ELMO1: variants seen among roughly 807,000 people sequenced by gnomAD.
ELMO1 encodes engulfment and cell motility protein 1.
In ELMO1, 26 loss-of-function variants were observed where a neutral mutation model predicts 98.9. The ratio of observed to expected loss-of-function variants is 0.26; its 90% CI spans 0.19 to 0.36. The LOEUF (loss-of-function observed/expected upper bound fraction) is 0.36, where lower values mean the gene tolerates loss of function less well. Ranked by LOEUF, ELMO1 falls within the 10% of genes least tolerant of loss-of-function variation. ELMO1 has a pLI of 1.00. For missense variants in ELMO1, 627 were observed against 935.2 expected (o/e 0.67, Z 4.30); for synonymous variants, 346 against 346.0 (o/e 1.00, Z 0.00).
At chr7:36,955,632 G>A (rs1348945388) in intron 16 of ELMO1, among the ~76,000 whole-genome samples, 1 of 152,104 alleles carries the variant, frequency 6.6e-6, no homozygotes, top group Non-Finnish European at 1.5e-5. Flanking sequence ...TCTGTCAAAG[G>A]TAGGGTGCCA....
chr7:37,307,794 T>C (rs1798687727), intron 4 of ELMO1, among the ~76,000 whole-genome samples: 1 of 152,184 alleles, frequency 6.6e-6, no homozygotes, highest in African/African-American at 2.4e-5. Flanking sequence ...CCAGCATTTG[T>C]TGTCAATCTC....
At chr7:36,874,182 C>CT (rs1803763938) in intron 19 of ELMO1, among the ~76,000 whole-genome samples, 3 of 152,224 alleles carry the variant, frequency 2.0e-5, no homozygotes, top group African/African-American at 7.2e-5. Context: ...ATTTGTAACT[C>CT]TAACATTATC....
intron 4 of ELMO1, among the ~76,000 whole-genome samples, chr7:37,314,127 A>C (rs1799028254): frequency 6.6e-6 from 1 of 152,216 alleles, no homozygotes; most frequent in Non-Finnish European, 1.5e-5. Context: ...CATTAGTCTA[A>C]CCATTTGTCC....
At position 37,372,977 on chromosome 7, in the gene ELMO1, A is replaced by C. The variant is rs986951943; in HGVS notation, c.-73-30214T>G. 3.9e-5 allele frequency among the ~76,000 whole-genome samples: 6 copies of C among 152,234 alleles called. No individual in the cohort carries two copies. The East Asian group carries it at 1.2e-3, about 29-fold the overall frequency. ...CAGCCCTGTATCCTGAGGCTACTAA[A>C]GGGAAGAGCCAGACTTCCACAGCTG... On this transcript the variant is annotated intron_variant, in intron 1 of 21. Coordinates refer to ENST00000310758, the MANE Select transcript of ELMO1 (RefSeq NM_014800.11).
At chr7:36,998,091 G>T (rs1792354817) in intron 16 of ELMO1, among the ~76,000 whole-genome samples, 1 of 151,628 alleles carries the variant, frequency 6.6e-6, no homozygotes, top group Non-Finnish European at 1.5e-5. Flanking sequence ...GGAAAGGAAT[G>T]ATTTTGGTAT....
intron 5 of ELMO1, among the ~76,000 whole-genome samples, chr7:37,265,199 T>C (rs1332821647): frequency 6.6e-6 from 1 of 152,168 alleles, no homozygotes; most frequent in Admixed American, 6.5e-5. Flanking sequence ...CTCTGCTTCC[T>C]CCTGATAGAT....
chr7:37,096,504 T>C, intron 15 of ELMO1, 115 bp downstream of exon 15: 1 of 798,662 alleles, frequency 1.3e-6, no homozygotes. Context: ...CTATCCACAG[T>C]GATGACCGTA....
chr7:37,107,211 G>T (rs1784999984), intron 14 of ELMO1, among the ~76,000 whole-genome samples: 2 of 152,142 alleles, frequency 1.3e-5, no homozygotes, highest in Admixed American at 1.3e-4. Flanking sequence ...CAAGGACATG[G>T]GATTTGTAAG....
chr7:37,073,573 T>C (rs1246279978), intron 15 of ELMO1, among the ~76,000 whole-genome samples: 2 of 113,554 alleles, frequency 1.8e-5, no homozygotes, highest in South Asian at 2.4e-4. Flanking sequence ...TGTTTTTGTA[T>C]GTGTGTGTGT....
intron 4 of ELMO1, among the ~76,000 whole-genome samples, chr7:37,307,872 G>A (rs1290652328): frequency 6.6e-6 from 1 of 152,174 alleles, no homozygotes; most frequent in Non-Finnish European, 1.5e-5. Context: ...AGCACTGTGG[G>A]AGGCCGAGGC....
intron 15 of ELMO1, among the ~76,000 whole-genome samples, chr7:37,095,962 T>C (rs574053487): frequency 6.6e-6 from 1 of 152,332 alleles, no homozygotes; most frequent in East Asian, 1.9e-4. Context: ...ACAATGATAA[T>C]AGGGACAGGT....
rs79302224 is a variant in ELMO1 at position 36,995,804 on chromosome 7, G to C, written c.1437+17495C>G. 5.7e-3 allele frequency among the ~76,000 whole-genome samples: 873 copies of C among 152,246 alleles called. 29 individuals carry two copies. In the South Asian group the frequency reaches 0.083, roughly 14 times the overall value. On this transcript the variant is annotated intron_variant, in intron 16 of 21. Transcript: ENST00000310758. Reference sequence around the variant, plus strand: ...ACATCTTTGTTTTCCCCCCTTGAATGACTATGATTCTAAATGGCTGTATTA... The same window carrying C: ...ACATCTTTGTTTTCCCCCCTTGAATCACTATGATTCTAAATGGCTGTATTA...
intron 15 of ELMO1, among the ~76,000 whole-genome samples, chr7:37,035,536 G>A (rs1795129118): frequency 6.6e-6 from 1 of 152,164 alleles, no homozygotes; most frequent in African/African-American, 2.4e-5. Context: ...TTTTACAATG[G>A]TCCTTATGCT....
At chr7:36,920,543 T>C (rs575088986) in intron 16 of ELMO1, among the ~76,000 whole-genome samples, 3 of 152,316 alleles carry the variant, frequency 2.0e-5, no homozygotes, top group East Asian at 1.9e-4. Flanking sequence ...TTAATTTACA[T>C]ATCCACATAA....
At chr7:36,934,041 G>A (rs1786285896) in intron 16 of ELMO1, among the ~76,000 whole-genome samples, 2 of 152,202 alleles carry the variant, frequency 1.3e-5, no homozygotes, top group African/African-American at 4.8e-5. Context: ...GCAGCTTTGG[G>A]TGGCTTCTGG....
intron 15 of ELMO1, among the ~76,000 whole-genome samples, chr7:37,023,804 G>C (rs1794415547): frequency 6.6e-6 from 1 of 152,008 alleles, no homozygotes; most frequent in Admixed American, 6.6e-5. Context: ...GGCTGGTCTT[G>C]AACTCCTGAC....
chr7:36,935,963 G>T (rs1786493863), intron 16 of ELMO1, among the ~76,000 whole-genome samples: 1 of 152,106 alleles, frequency 6.6e-6, no homozygotes, highest in Non-Finnish European at 1.5e-5. Context: ...CATACTGTTG[G>T]TTGCTTACCT....
chr7:36,866,683 T>C (rs1803055262), intron 20 of ELMO1, among the ~76,000 whole-genome samples: 1 of 152,186 alleles, frequency 6.6e-6, no homozygotes, highest in Non-Finnish European at 1.5e-5. Context: ...AAGTTAACCA[T>C]GGGTCTCATG....
At chr7:37,096,835 A>G in intron 14 of ELMO1, 108 bp from the exon 15 acceptor site, 1 of 1,023,906 alleles carries the variant, frequency 9.8e-7, no homozygotes, top group Non-Finnish European at 1.5e-6. Flanking sequence ...TCAGATCCCC[A>G]AACGAAGACT....
Sources: allele counts gnomAD v4.1 joint callset (sites outside exome capture counted in the v4.1 genomes callset), GRCh38; gene constraint gnomAD v4.1.1; transcripts MANE v1.5; gene names NCBI Gene and HGNC (gene_info 2026-07-23, HGNC 2026-07-21).